DDX46: variants seen among roughly 807,000 people sequenced by gnomAD.
DDX46 encodes DEAD-box helicase 46, also known as probable ATP-dependent RNA helicase DDX46.
A neutral mutation model predicts 134.9 loss-of-function variants in DDX46; 30 were observed. That is an observed-to-expected ratio of 0.22 (90% CI 0.17 to 0.30). The LOEUF (loss-of-function observed/expected upper bound fraction) is 0.30, where lower values mean the gene tolerates loss of function less well. Ranked by LOEUF, DDX46 falls within the 10% of genes least tolerant of loss-of-function variation. The pLI is 1.00. For missense variants in DDX46, 622 were observed against 1,248.7 expected, an observed-to-expected ratio of 0.50 and a Z score of 7.56; for synonymous variants, 415 against 404.1, an observed-to-expected ratio of 1.03 and a Z score of -0.32.
intron 3 of DDX46, among the ~76,000 whole-genome samples, chr5:134,769,327 G>GTTTTTTTTTTTTTTTTTTTTTTTTCAAGT (rs1026334806): frequency 1.0e-5 from 1 of 100,480 alleles, no homozygotes. Context: ...TATTTTCAAG[G>GTTTTTTTTTTTTTTTTTTTTTTTTCAAGT]TTTTTTTTTT....
intron 15 of DDX46, chr5:134,797,189 A>AAC (rs1754688598): frequency 3.5e-6 from 1 of 286,916 alleles, no homozygotes; most frequent in African/African-American, 2.5e-5. Context: ...AAAAAAAAAA[A>AAC]AAAAAAAACA....
chr5:134,762,246 A>AT (rs1753410362), intron 1 of DDX46, among the ~76,000 whole-genome samples: 1 of 134,030 alleles, frequency 7.5e-6, no homozygotes, highest in Non-Finnish European at 1.6e-5. Context: ...CACCATCTCT[A>AT]CCCAAAAAAA....
At chr5:134,793,109 A>G (rs987547668) in intron 13 of DDX46, among the ~76,000 whole-genome samples, 1 of 152,192 alleles carries the variant, frequency 6.6e-6, no homozygotes, top group Non-Finnish European at 1.5e-5. Flanking sequence ...GTGAGCCAAC[A>G]TAATACCTCT....
chr5:134,764,662 A>T (rs1340475623), intron 2 of DDX46, among the ~76,000 whole-genome samples: 1 of 152,206 alleles, frequency 6.6e-6, no homozygotes, highest in Non-Finnish European at 1.5e-5. Flanking sequence ...CCTCTGAGGG[A>T]CATACAAAAT....
intron 18 of DDX46, among the ~76,000 whole-genome samples, chr5:134,812,059 CTTT>C (rs767502728): frequency 4.0e-5 from 4 of 99,058 alleles, no homozygotes; most frequent in Admixed American, 2.5e-4. Context: ...GTGAAAAGTC[CTTT>C]TTTTTTTTTT....
intron 5 of DDX46, among the ~76,000 whole-genome samples, chr5:134,775,247 C>T (rs902587930): frequency 6.6e-6 from 1 of 152,070 alleles, no homozygotes; most frequent in African/African-American, 2.4e-5. Flanking sequence ...AGCCACTGTG[C>T]CTGGCTGCTG....
intron 3 of DDX46, 48 bp downstream of exon 3, chr5:134,767,108 TC>T: frequency 6.5e-7 from 1 of 1,532,640 alleles, no homozygotes. Context: ...GGGGACTGCT[TC>T]CCTTCTCTGC....
rs752687013 is a variant in DDX46, at chr5:134,795,981, T to C, written c.1792-7T>C. Reference sequence around the variant, plus strand: ...TTCATTAACTTGATACAATATGGTGTTTTCAGATTGTGATTGAAGAAGAAA... The same window carrying C: ...TTCATTAACTTGATACAATATGGTGCTTTCAGATTGTGATTGAAGAAGAAA... On this transcript the variant is annotated splice_region_variant and splice_polypyrimidine_tract_variant and intron_variant, in intron 14 of 22. Coordinates refer to ENST00000452510, the MANE Select transcript of DDX46 (RefSeq NM_001300860.2). 1.9e-6 allele frequency: 3 copies of C among 1,611,848 alleles called. No homozygotes were observed. Among genetic ancestry groups the C allele is most frequent in the African/African-American group, 2.7e-5 (2 of 74,800 alleles).
intron 12 of DDX46, among the ~76,000 whole-genome samples, chr5:134,789,828 A>T (rs1264899049): frequency 3.3e-5 from 5 of 152,194 alleles, no homozygotes; most frequent in Non-Finnish European, 5.9e-5. Context: ...TATTTAAGTC[A>T]GTGGGTTCAC....
Position 134,790,038 on chromosome 5 carries a change from C to T in DDX46, c.1544-432C>T, listed in dbSNP as rs1411975924. On this transcript the variant is annotated intron_variant, in intron 12 of 22. Transcript: ENST00000452510. ...TAATATAGAGAGACATTTTCTGTGT[C>T]TAAAATAGTTAGCACTAGAACTTGC... The T allele has an allele frequency of 1.1e-5, 5 of 456,736 alleles. No homozygotes were observed. In the East Asian group the frequency reaches 2.8e-4, roughly 25 times the overall value. The allele number at this position is 456,736 out of a possible 1,614,324, so 28.3% of individuals were successfully genotyped here. A position where few individuals can be genotyped will look rare whatever the true frequency, so the allele number is the denominator to read the frequency against.
chr5:134,813,049 C>T (rs939792861), intron 18 of DDX46, among the ~76,000 whole-genome samples: 4 of 152,014 alleles, frequency 2.6e-5, no homozygotes, highest in African/African-American at 9.7e-5. Flanking sequence ...TCAAGTGGTT[C>T]TCCTGCCTCA....
At chr5:134,827,559 C>T (rs886840598) in intron 22 of DDX46, among the ~76,000 whole-genome samples, 22 of 152,214 alleles carry the variant, frequency 1.4e-4, no homozygotes, top group Admixed American at 1.0e-3. Flanking sequence ...AGGCGTGAGC[C>T]GTGGCGCCCG....
At chr5:134,765,379 A>AC (rs1317012064) in intron 2 of DDX46, among the ~76,000 whole-genome samples, 55 of 138,356 alleles carry the variant, frequency 4.0e-4, no homozygotes, top group Non-Finnish European at 7.0e-4. Flanking sequence ...CCCCGTCTCT[A>AC]CTAAAAAAAA....
At chr5:134,815,891 G>A (rs1261095414) in intron 18 of DDX46, among the ~76,000 whole-genome samples, 1 of 151,944 alleles carries the variant, frequency 6.6e-6, no homozygotes, top group Non-Finnish European at 1.5e-5. Flanking sequence ...AGTTTTTAAG[G>A]CAAATCCAAT....
Position 134,828,682 on chromosome 5 carries a change from T to C in DDX46, c.3075T>C (p.Asn1025=). Reference sequence around the variant, plus strand: ...AGCAAAATTCATACCAACCAACAAATAAAGGAAGATACAAAGTCTTATAGA... The same window carrying C: ...AGCAAAATTCATACCAACCAACAAACAAAGGAAGATACAAAGTCTTATAGA... ...IRLQNSYQPT[N]KGRYKVL is the part of the protein sequence containing the mutation. The change falls in exon 23 of 23, where the codon AAT becomes AAC. Residue 1025 remains asparagine (N), a synonymous_variant. Transcript: ENST00000452510. 2 of 1,529,656 alleles carry C rather than the reference T, an allele frequency of 1.3e-6. No individual in the cohort carries two copies. Among genetic ancestry groups the C allele is most frequent in the Middle Eastern group, 1.7e-4 (1 of 5,808 alleles). The allele number at this position is 1,529,656 out of a possible 1,614,324, so 94.8% of individuals were successfully genotyped here.
At chr5:134,765,996 T>C (rs949817955) in intron 2 of DDX46, among the ~76,000 whole-genome samples, 1 of 152,208 alleles carries the variant, frequency 6.6e-6, no homozygotes, top group South Asian at 2.1e-4. Context: ...AGATGTCTAG[T>C]GAAGTCTCCA....
intron 3 of DDX46, 150 bp downstream of exon 3, chr5:134,767,210 A>G: frequency 2.1e-6 from 2 of 945,290 alleles, no homozygotes; most frequent in African/African-American, 1.7e-5. Flanking sequence ...TTTTATTTTA[A>G]TTGGCTATAA....
At chr5:134,809,308 C>T (rs1180858594) in intron 16 of DDX46, among the ~76,000 whole-genome samples, 1 of 152,008 alleles carries the variant, frequency 6.6e-6, no homozygotes, top group Non-Finnish European at 1.5e-5. Context: ...TACTTGTAGC[C>T]CCGTAGGAGT....
At chr5:134,770,032 A>C (rs1402482101) in intron 3 of DDX46, among the ~76,000 whole-genome samples, 11 of 152,160 alleles carry the variant, frequency 7.2e-5, no homozygotes, top group African/African-American at 2.7e-4. Context: ...TAAATATTGG[A>C]ATACAAGTCT....
Sources: allele counts gnomAD v4.1 joint callset (sites outside exome capture counted in the v4.1 genomes callset), GRCh38; gene constraint gnomAD v4.1.1; transcripts MANE v1.5; gene names NCBI Gene and HGNC (gene_info 2026-07-23, HGNC 2026-07-21).